The following RIMS2 variants were observed in gnomAD, a reference collection of about 807,000 sequenced individuals.
RIMS2 encodes the protein regulating synaptic membrane exocytosis 2, also known as regulating synaptic membrane exocytosis protein 2.
A neutral mutation model predicts 174.4 loss-of-function variants in RIMS2; 59 were observed. The ratio of observed to expected loss-of-function variants is 0.34; its 90% CI spans 0.27 to 0.42. RIMS2 has a LOEUF of 0.42. RIMS2 is among the 10% of genes least tolerant of loss of function. The probability of loss-of-function intolerance (pLI) is 1.00; values close to 1 mark genes in which losing one functional copy is unlikely to be tolerated. For synonymous variants in RIMS2, 606 were observed against 572.5 expected (o/e 1.06, Z -0.84); for missense variants, 1,620 against 1,666.3 (o/e 0.97, Z 0.48).
intron 2 of RIMS2, among the ~76,000 whole-genome samples, chr8:103,716,889 C>G (rs1340207869): frequency 6.6e-6 from 1 of 152,008 alleles, no homozygotes; most frequent in Non-Finnish European, 1.5e-5. Context: ...TTAAAATACT[C>G]AGGTAGATAC....
intron 2 of RIMS2, among the ~76,000 whole-genome samples, chr8:103,708,888 G>T (rs2097266434): frequency 6.6e-6 from 1 of 152,046 alleles, no homozygotes; most frequent in African/African-American, 2.4e-5. Flanking sequence ...TCTCTAGACA[G>T]CTTCAAGAAC....
intron 3 of RIMS2, among the ~76,000 whole-genome samples, chr8:103,860,961 T>C (rs1295814598): frequency 7.9e-5 from 12 of 152,086 alleles, no homozygotes; most frequent in Non-Finnish European, 1.2e-4. Flanking sequence ...GTTATATTTT[T>C]TCTTTTTATA....
In RIMS2 at chr8:104,104,895, A is replaced by G. The variant is rs533377635; in HGVS notation, c.3334+90280A>G. On this transcript the variant is annotated intron_variant, in intron 19 of 23. Coordinates refer to ENST00000504942, the Ensembl canonical transcript of RIMS2. The stretch of plus-strand genomic sequence containing the variant: ...ACCCTGTCTCAAGAAAAAAAAAAAA[A>G]AGAGAGAACATGTTTTTGAAATGTA... 3.0e-4 allele frequency among the ~76,000 whole-genome samples: 46 copies of G among 152,048 alleles called. No individual in the cohort carries two copies. In the South Asian group the frequency reaches 4.4e-3, roughly 14 times the overall value.
At chr8:104,034,083 C>T (rs996683069) in intron 19 of RIMS2, among the ~76,000 whole-genome samples, 11 of 152,126 alleles carry the variant, frequency 7.2e-5, no homozygotes, top group Non-Finnish European at 1.6e-4. Flanking sequence ...AAACTTGTGG[C>T]ATCAGAAAAA....
At chr8:104,148,989 C>T (rs1404060269) in intron 19 of RIMS2, 141 bp downstream of exon 25, 27 of 829,586 alleles carry the variant, frequency 3.3e-5, no homozygotes, top group Non-Finnish European at 4.8e-5. Flanking sequence ...ACTAGTTAAC[C>T]TTTCTGAAAT....
intron 3 of RIMS2, chr8:103,768,903 A>G (rs191295871): frequency 1.7e-5 from 8 of 481,470 alleles, no homozygotes; most frequent in African/African-American, 1.6e-4. Context: ...AGGCTGCAGA[A>G]TATGCTTAAC....
intron 19 of RIMS2, among the ~76,000 whole-genome samples, chr8:104,204,091 C>T (rs1222158904): frequency 6.6e-6 from 1 of 152,176 alleles, no homozygotes; most frequent in Non-Finnish European, 1.5e-5. Flanking sequence ...CTAGATAAAA[C>T]ACAGCAAAAT....
At chr8:104,075,556 T>G (rs1159275650) in intron 19 of RIMS2, among the ~76,000 whole-genome samples, 1 of 152,252 alleles carries the variant, frequency 6.6e-6, no homozygotes, top group Non-Finnish European at 1.5e-5. Flanking sequence ...TGTCAGAGAC[T>G]ATGCCAGTGG....
chr8:103,669,331 A>G (rs1485951400), intron 1 of RIMS2, among the ~76,000 whole-genome samples: 1 of 152,128 alleles, frequency 6.6e-6, no homozygotes, highest in Non-Finnish European at 1.5e-5. Context: ...ACAATTCAAG[A>G]TGAGATTTGG....
intron 3 of RIMS2, among the ~76,000 whole-genome samples, chr8:103,876,868 A>G (rs1256802732): frequency 5.4e-5 from 1 of 18,424 alleles, no homozygotes; most frequent in Non-Finnish European, 1.1e-4. Flanking sequence ...ACTATTTTAT[A>G]TATATATATA....
At chr8:103,583,185 A>C (rs2093711676) in intron 1 of RIMS2, among the ~76,000 whole-genome samples, 1 of 152,220 alleles carries the variant, frequency 6.6e-6, no homozygotes, top group Non-Finnish European at 1.5e-5. Context: ...TAGATTCTCA[A>C]GGTGGTACCT....
At chr8:104,030,112 T>C (rs2096357141) in intron 19 of RIMS2, among the ~76,000 whole-genome samples, 1 of 152,184 alleles carries the variant, frequency 6.6e-6, no homozygotes, top group African/African-American at 2.4e-5. Context: ...ATAAAATATG[T>C]TAGTATTCCA....
chr8:104,107,297 T>G (rs938480675), intron 19 of RIMS2, among the ~76,000 whole-genome samples: 1 of 152,176 alleles, frequency 6.6e-6, no homozygotes, highest in Non-Finnish European at 1.5e-5. Context: ...GTACCTTCTC[T>G]TCTCTTCACA....
At chr8:103,593,679 CA>C (rs2094361049) in intron 1 of RIMS2, among the ~76,000 whole-genome samples, 1 of 151,060 alleles carries the variant, frequency 6.6e-6, no homozygotes, top group South Asian at 2.1e-4. Context: ...AAGAGTTGTG[CA>C]AAAATATAAA....
downstream of RIMS2, chr8:104,252,565 C>T (rs2099361788): frequency 6.7e-6 from 1 of 149,370 alleles, no homozygotes; most frequent in East Asian, 2.0e-4. Flanking sequence ...CCATTTTCAA[C>T]AATTTATATT....
chr8:103,503,783 G>A (rs577980666), intron 1 of RIMS2, among the ~76,000 whole-genome samples: 3 of 151,902 alleles, frequency 2.0e-5, no homozygotes, highest in Non-Finnish European at 4.4e-5. Context: ...TTAATATATA[G>A]ATGACAATAC....
At chr8:104,011,633 C>A (rs186032834) in intron 17 of RIMS2, among the ~76,000 whole-genome samples, 47 of 152,070 alleles carry the variant, frequency 3.1e-4, no homozygotes, top group African/African-American at 1.1e-3. Context: ...AACATTTACT[C>A]CACTTTCCAC....
chr8:103,983,980 T>C (rs1284106436), intron 16 of RIMS2, among the ~76,000 whole-genome samples: 6 of 151,990 alleles, frequency 3.9e-5, no homozygotes, highest in Non-Finnish European at 7.4e-5. Context: ...GAGACCATCC[T>C]GGCTAACACG....
chr8:103,748,047 A>G (rs376535372), intron 2 of RIMS2, among the ~76,000 whole-genome samples: 1 of 152,158 alleles, frequency 6.6e-6, no homozygotes, highest in Non-Finnish European at 1.5e-5. Flanking sequence ...AAAGAAGCAC[A>G]TTTCGCAAAG....
Sources: allele counts gnomAD v4.1 joint callset (sites outside exome capture counted in the v4.1 genomes callset), GRCh38; gene constraint gnomAD v4.1.1; transcripts MANE v1.5; gene names NCBI Gene and HGNC (gene_info 2026-07-23, HGNC 2026-07-21).